SPMIP6: variants seen among roughly 807,000 people sequenced by gnomAD.
SPMIP6 encodes the protein sperm microtubule inner protein 6, also known as ciliated bronchial epithelial protein 1.
the SPMIP6 span, chr9:34,381,685 G>A: frequency 7.2e-7 from 1 of 1,392,048 alleles, no homozygotes; most frequent in South Asian, 1.6e-5. The surrounding 1 kb of genome is among the most constrained non-coding windows in gnomAD (Gnocchi z 4.4). Context: ...CTGGGCCTGT[G>A]ACAACCCTGT....
At chr9:34,396,988 C>A in the SPMIP6 span, among the ~76,000 whole-genome samples, 1,122 of 152,300 alleles carry the variant, frequency 7.4e-3, 18 homozygotes, top group African/African-American at 0.025. Context: ...AGCACAGACA[C>A]AAGTAAACTG....
At chr9:34,388,795 A>G in the SPMIP6 span, among the ~76,000 whole-genome samples, 18 of 152,182 alleles carry the variant, frequency 1.2e-4, no homozygotes, top group African/African-American at 4.3e-4. Context: ...AATTTTAACC[A>G]AGAGAATTAT....
the SPMIP6 span, chr9:34,397,762 T>G: frequency 4.3e-6 from 4 of 919,544 alleles, no homozygotes; most frequent in Non-Finnish European, 6.5e-6. Context: ...TATAATCCCC[T>G]CCTGCAGAGG....
chr9:34,386,166 C>G, the SPMIP6 span, among the ~76,000 whole-genome samples: 1 of 152,160 alleles, frequency 6.6e-6, no homozygotes, highest in African/African-American at 2.4e-5. Flanking sequence ...AACAGTGCAT[C>G]AGGCCCCAGT....
At chr9:34,381,874 C>T in the SPMIP6 span, 2 of 780,696 alleles carry the variant, frequency 2.6e-6, no homozygotes, top group South Asian at 5.8e-5. This position sits in a 1 kb window ranked among gnomAD's most constrained non-coding sequence, Gnocchi z 4.4. Context: ...GGTCAGCCAT[C>T]AGCCTGCAGT....
the SPMIP6 span, chr9:34,379,855 CCTT>C: frequency 1.9e-5 from 13 of 696,792 alleles, no homozygotes; most frequent in African/African-American, 5.3e-5. The surrounding 1 kb of genome is among the most constrained non-coding windows in gnomAD (Gnocchi z 4.2). Context: ...ATCCTCCTCT[CCTT>C]CTTCCTCACC....
chr9:34,380,367 C>T, the SPMIP6 span, among the ~76,000 whole-genome samples: 1 of 152,198 alleles, frequency 6.6e-6, no homozygotes, highest in African/African-American at 2.4e-5. Flanking sequence ...CCGAGGAGGC[C>T]AGAGCCATTC....
chr9:34,387,955 T>C, the SPMIP6 span, among the ~76,000 whole-genome samples: 2 of 152,202 alleles, frequency 1.3e-5, no homozygotes, highest in African/African-American at 4.8e-5. Context: ...GTGCTGAAGA[T>C]TGCGCTGGGG....
the SPMIP6 span, chr9:34,379,280 A>G: frequency 2.6e-6 from 2 of 760,978 alleles, no homozygotes; most frequent in Non-Finnish European, 2.3e-6. This position sits in a 1 kb window ranked among gnomAD's most constrained non-coding sequence, Gnocchi z 4.2. Flanking sequence ...CACTTTGTCT[A>G]TAGCACTGAC....
chr9:34,380,917 G>A, the SPMIP6 span: 1 of 1,591,778 alleles, frequency 6.3e-7, no homozygotes, highest in Non-Finnish European at 8.5e-7. Flanking sequence ...GTTGCTCCCG[G>A]CACCAAGGCC....
the SPMIP6 span, among the ~76,000 whole-genome samples, chr9:34,380,213 C>T: frequency 6.6e-6 from 1 of 152,202 alleles, no homozygotes; most frequent in Non-Finnish European, 1.5e-5. Context: ...TCTGGGCTAC[C>T]GCGGACAAAG....
the SPMIP6 span, chr9:34,382,622 C>T: frequency 8.3e-5 from 56 of 676,376 alleles, no homozygotes; most frequent in African/African-American, 6.0e-4. Flanking sequence ...TTCACAGATG[C>T]GGAAGAGCTC....
chr9:34,388,417 A>C, the SPMIP6 span, among the ~76,000 whole-genome samples: 1 of 151,378 alleles, frequency 6.6e-6, no homozygotes, highest in Non-Finnish European at 1.5e-5. Context: ...CTTCCAAAGT[A>C]CTGGGATTAC....
chr9:34,381,514 G>A, the SPMIP6 span: 1 of 1,607,622 alleles, frequency 6.2e-7, no homozygotes, highest in South Asian at 1.1e-5. This position sits in a 1 kb window ranked among gnomAD's most constrained non-coding sequence, Gnocchi z 4.4. Flanking sequence ...GGTCCTCCCA[G>A]AACACCCAGA....
At chr9:34,391,226 T>C in the SPMIP6 span, among the ~76,000 whole-genome samples, 1 of 152,200 alleles carries the variant, frequency 6.6e-6, no homozygotes. Flanking sequence ...ATAAAGTTGT[T>C]CAGAACGTTC....
At chr9:34,379,123 G>T in the SPMIP6 span, 1 of 1,613,826 alleles carries the variant, frequency 6.2e-7, no homozygotes, top group Admixed American at 1.7e-5. The surrounding 1 kb of genome is among the most constrained non-coding windows in gnomAD (Gnocchi z 4.2). Context: ...AACTCAGGAT[G>T]GATAACATAG....
the SPMIP6 span, chr9:34,379,296 G>A: frequency 7.4e-5 from 52 of 700,852 alleles, no homozygotes; most frequent in Non-Finnish European, 1.2e-4. This position sits in a 1 kb window ranked among gnomAD's most constrained non-coding sequence, Gnocchi z 4.2. Context: ...CTGACCTTGG[G>A]TTCCAATACT....
the SPMIP6 span, among the ~76,000 whole-genome samples, chr9:34,387,698 T>C: frequency 6.6e-6 from 1 of 152,200 alleles, no homozygotes; most frequent in Non-Finnish European, 1.5e-5. Flanking sequence ...TTTCCTCAGA[T>C]GTTTCCTCTT....
At chr9:34,385,066 A>G in the SPMIP6 span, among the ~76,000 whole-genome samples, 1,221 of 151,856 alleles carry the variant, frequency 8.0e-3, 19 homozygotes, top group African/African-American at 0.028. Context: ...CCTTTCTCCA[A>G]CTCGCTAAGG....
Sources: allele counts gnomAD v4.1 joint callset (sites outside exome capture counted in the v4.1 genomes callset), GRCh38; gene constraint gnomAD v4.1.1; non-coding constraint Gnocchi (gnomAD v3.1); transcripts MANE v1.5; gene names NCBI Gene and HGNC (gene_info 2026-07-23, HGNC 2026-07-21).